Variants in MSH3 observed in about 807,000 individuals in gnomAD.
The protein encoded by MSH3 is mutS homolog 3.
MSH3 carries 106 observed loss-of-function variants against 123.3 expected under a neutral mutation model. That is an observed-to-expected ratio of 0.86 (90% CI 0.73 to 1.01). MSH3 has a LOEUF of 1.01. Among genes scored for constraint, MSH3 ranks in the 50% least tolerant of loss-of-function variants. The pLI is 0.00. For synonymous variants in MSH3, 515 were observed against 481.4 expected, an observed-to-expected ratio of 1.07 and a Z score of -0.91; for missense variants, 1,459 against 1,347.6, an observed-to-expected ratio of 1.08 and a Z score of -1.29.
At chr5:80,819,236 A>C (rs1745158207) in intron 20 of MSH3, among the ~76,000 whole-genome samples, 2 of 152,014 alleles carry the variant, frequency 1.3e-5, no homozygotes, top group African/African-American at 4.8e-5. Flanking sequence ...TTATAATGTT[A>C]TTAGGAGATG....
intron 12 of MSH3, among the ~76,000 whole-genome samples, chr5:80,759,088 T>G (rs1456505266): frequency 3.3e-5 from 5 of 152,248 alleles, no homozygotes; most frequent in Non-Finnish European, 7.3e-5. Context: ...TGATTTACTT[T>G]ATATGTAGTC....
At chr5:80,730,877 C>CAT (rs35595321) in intron 10 of MSH3, among the ~76,000 whole-genome samples, 1,651 of 131,474 alleles carry the variant, frequency 0.013, 17 homozygotes, top group African/African-American at 0.026. Flanking sequence ...GTGTCCTCCT[C>CAT]ATATATATAT....
rs184855160 is a variant in MSH3, at chr5:80,810,680, A to G, written c.2656-2904A>G. ...GTATGTCATTGTGCCAAATCACACT[A>G]CTGTAATTACTGTAGCATTATAATA... On this transcript the variant is annotated intron_variant, in intron 19 of 23. Coordinates refer to ENST00000265081, the MANE Select transcript of MSH3 (RefSeq NM_002439.5). 1.3e-3 allele frequency among the ~76,000 whole-genome samples: 194 copies of G among 152,274 alleles called. 1 individual carries two copies. Among genetic ancestry groups the G allele is most frequent in the African/African-American group, 4.5e-3 (188 of 41,580 alleles).
At chr5:80,693,600 C>T (rs1413472935) in intron 8 of MSH3, among the ~76,000 whole-genome samples, 17 of 44,186 alleles carry the variant, frequency 3.8e-4, no homozygotes, top group East Asian at 2.9e-3. Flanking sequence ...TATATATAAA[C>T]ATACATATAT....
At position 80,779,858 on chromosome 5, in the gene MSH3, C is replaced by T. The variant is rs186832194; in HGVS notation, c.2435+1022C>T. 3.5e-4 allele frequency among the ~76,000 whole-genome samples: 53 copies of T among 152,032 alleles called. No individual in the cohort carries two copies. The East Asian group carries it at 8.3e-3, about 24-fold the overall frequency. ...GGATTACAGGCATGAGCCACTGTGC[C>T]GGCCAAAAAATTAACATTAATTTAT... On this transcript the variant is annotated intron_variant, in intron 17 of 23. Transcript: ENST00000265081.
At chr5:80,669,064 C>T (rs970625737) in intron 3 of MSH3, among the ~76,000 whole-genome samples, 2 of 152,210 alleles carry the variant, frequency 1.3e-5, no homozygotes, top group Non-Finnish European at 2.9e-5. Context: ...CATGCCTCAC[C>T]GTCTTCTTAT....
At chr5:80,785,257 A>G (rs1744483097) in intron 17 of MSH3, among the ~76,000 whole-genome samples, 2 of 152,196 alleles carry the variant, frequency 1.3e-5, no homozygotes, top group South Asian at 4.1e-4. Flanking sequence ...AAGGTCGTAC[A>G]GAATATCTGA....
chr5:80,845,778 T>A (rs966372710), intron 20 of MSH3, among the ~76,000 whole-genome samples: 1 of 152,210 alleles, frequency 6.6e-6, no homozygotes, highest in Admixed American at 6.5e-5. Flanking sequence ...TTCTCGACAC[T>A]GTTTATTCTA....
intron 8 of MSH3, among the ~76,000 whole-genome samples, chr5:80,704,812 G>A (rs1181909057): frequency 2.6e-5 from 4 of 152,146 alleles, no homozygotes; most frequent in Admixed American, 6.5e-5. Flanking sequence ...ACATACCTGA[G>A]GCCAGGAGCA....
In MSH3 at chr5:80,786,273, G is replaced by A. The variant is rs541495131; in HGVS notation, c.2436-1292G>A. On this transcript the variant is annotated intron_variant, in intron 17 of 23. Transcript: ENST00000265081. ...CTGTAAAATTGCACTGTGAAGTAGG[G>A]TGATAGGAAGAGCACAGTTTGAGTC... Among the ~76,000 whole-genome samples, 51 of 152,234 alleles carry A rather than the reference G, an allele frequency of 3.4e-4. 1 individual carries two copies. The highest frequency in any genetic ancestry group is 3.4e-3 in the Middle Eastern group (1 of 294).
rs1398585733 is a variant in MSH3 at position 80,654,895 on chromosome 5, G to GCCCCCAGC, written c.168_169insCCCCCAGC (p.Ala57ProfsTer26). The GCCCCCAGC allele has an allele frequency of 2.1e-5, 17 of 819,972 alleles. No homozygotes were observed. In the African/African-American group the frequency reaches 4.7e-4, roughly 23 times the overall value. The allele number at this position is 819,972 out of a possible 1,614,324, so 50.8% of individuals were successfully genotyped here. A position where few individuals can be genotyped will look rare whatever the true frequency, so the allele number is the denominator to read the frequency against. On this transcript the variant is annotated frameshift_variant, in exon 1 of 24. Coordinates refer to ENST00000265081, the MANE Select transcript of MSH3 (RefSeq NM_002439.5). LOFTEE classifies it high-confidence loss of function. ...ACCCTGGCGCTGCAGCGGCTGCAGC[G>GCCCCCAGC]GCCGCAGCGGCCGCAGCGCCCCCAG...
intron 16 of MSH3, among the ~76,000 whole-genome samples, chr5:80,777,113 T>C (rs1421976747): frequency 1.3e-5 from 2 of 151,746 alleles, no homozygotes; most frequent in South Asian, 2.1e-4. Flanking sequence ...TGTATTTTAG[T>C]AGAGATGGCG....
At chr5:80,740,514 C>T (rs992336821) in intron 10 of MSH3, among the ~76,000 whole-genome samples, 2 of 151,562 alleles carry the variant, frequency 1.3e-5, no homozygotes, top group African/African-American at 2.4e-5. Flanking sequence ...TGCGCCACTA[C>T]ACCCATCTAA....
chr5:80,672,746 A>T lies in MSH3; in HGVS notation c.915A>T (p.Gly305=), dbSNP rs756110352. Reference sequence around the variant, plus strand: ...ATTTCTTATTTTTGTTGAAGGTGGGAGTTGTGAAGCAAACTGAAACTGCAG... The same window carrying T: ...ATTTCTTATTTTTGTTGAAGGTGGGTGTTGTGAAGCAAACTGAAACTGCAG... ...RRLVAKGYKV[G]VVKQTETAAL... is the part of the protein sequence containing the mutation. Residue 305 remains glycine (G), a synonymous_variant, in exon 6 of 24, where the codon GGA becomes GGT. Coordinates refer to ENST00000265081, the MANE Select transcript of MSH3 (RefSeq NM_002439.5). 3 of 1,612,302 alleles carry T rather than the reference A, an allele frequency of 1.9e-6. No individual in the cohort carries two copies. Among genetic ancestry groups the T allele is most frequent in the Admixed American group, 1.7e-5 (1 of 59,996 alleles).
intron 20 of MSH3, among the ~76,000 whole-genome samples, chr5:80,825,199 T>G (rs1338441918): frequency 6.6e-6 from 1 of 152,186 alleles, no homozygotes; most frequent in East Asian, 1.9e-4. Context: ...TAATCCTCCC[T>G]AATCCCATTG....
At chr5:80,754,952 A>G (rs1743899961) in intron 12 of MSH3, among the ~76,000 whole-genome samples, 1 of 152,198 alleles carries the variant, frequency 6.6e-6, no homozygotes, top group Non-Finnish European at 1.5e-5. Context: ...TGGAACTTCT[A>G]AAATGAACTA....
At chr5:80,804,669 A>G (rs945601437) in intron 19 of MSH3, among the ~76,000 whole-genome samples, 2 of 152,104 alleles carry the variant, frequency 1.3e-5, no homozygotes, top group Non-Finnish European at 2.9e-5. Flanking sequence ...GAGCTGAGGG[A>G]GGGGTGACTC....
intron 10 of MSH3, 92 bp from the exon 11 acceptor site, chr5:80,741,372 A>G (rs923315213): frequency 1.8e-5 from 15 of 845,366 alleles, no homozygotes; most frequent in Middle Eastern, 3.3e-4. Flanking sequence ...AATTTTTGCC[A>G]TAATGTAGCT....
chr5:80,654,841 C>G lies in MSH3; in HGVS notation c.114C>G (p.Ser38=), dbSNP rs368081203. The G allele has an allele frequency of 2.6e-5, 42 of 1,605,768 alleles. No homozygotes were observed. The highest frequency in any genetic ancestry group is 3.4e-5 in the Non-Finnish European group (40 of 1,177,076). Residue 38 remains serine (S), a synonymous_variant, in exon 1 of 24, where the codon TCC becomes TCG. Coordinates refer to ENST00000265081, the MANE Select transcript of MSH3 (RefSeq NM_002439.5). ...FQSTGSLKST[S]SSTGAADQVD... ...CTACGGGAAGCCTGAAATCCACCTCCTCCTCCACAGGTGCAGCCGACCAGG... is the reference window on the plus strand; with the variant it reads ...CTACGGGAAGCCTGAAATCCACCTCGTCCTCCACAGGTGCAGCCGACCAGG...
Sources: gnomAD v4.1 joint callset for allele counts (sites outside exome capture counted in the v4.1 genomes callset) on GRCh38, gnomAD v4.1.1 for gene constraint, MANE v1.5 for transcripts, NCBI Gene and HGNC (gene_info 2026-07-23, HGNC 2026-07-21) for gene names.